Variants in PI4KA observed in about 807,000 individuals in gnomAD.
PI4KA encodes the protein phosphatidylinositol 4-kinase alpha.
A neutral mutation model predicts 271.4 loss-of-function variants in PI4KA; 122 were observed. That is an observed-to-expected ratio of 0.45 (90% CI 0.39 to 0.52). The LOEUF (loss-of-function observed/expected upper bound fraction) is 0.52, where lower values mean the gene tolerates loss of function less well. PI4KA is among the 20% of genes least tolerant of loss of function. PI4KA has a pLI of 0.00. For missense variants in PI4KA, 1,969 were observed against 2,769.1 expected (o/e 0.71, Z 6.48); for synonymous variants, 1,041 against 1,078.8 (o/e 0.96, Z 0.69).
chr22:20,735,833 C>T (rs3016140), intron 32 of PI4KA, among the ~76,000 whole-genome samples: 6,993 of 152,144 alleles, frequency 0.046, 496 homozygotes, highest in African/African-American at 0.16. Context: ...TCCTGCAGAC[C>T]GATTAGTCTT....
rs147046923 is a variant in PI4KA, at chr22:20,784,140, T to A, written c.2328+9053A>T. 1,252 of 1,614,126 alleles carry A rather than the reference T, an allele frequency of 7.8e-4. 1 individual carries two copies. The highest frequency in any genetic ancestry group is 1.1e-3 in the Admixed American group (69 of 60,020). ...CTCCAGCTGGAATACGTGGGGGGCA[T>A]CAGCATGCTAATTGTGGTCCCACAC... is the stretch of plus-strand genomic sequence containing the variant. On this transcript the variant is annotated intron_variant, in intron 19 of 54. Coordinates refer to ENST00000255882, the MANE Select transcript of PI4KA (RefSeq NM_058004.4).
intron 42 of PI4KA, chr22:20,725,798 A>G: frequency 3.4e-6 from 1 of 291,782 alleles, no homozygotes; most frequent in South Asian, 3.2e-5. Context: ...TGGGAGGGGT[A>G]GCGGGGAAGG....
intron 42 of PI4KA, chr22:20,725,580 C>T (rs1302983621): frequency 2.2e-6 from 1 of 449,068 alleles, no homozygotes; most frequent in African/African-American, 2.0e-5. Context: ...CCTGTAAGGA[C>T]TCAGGGAGAA....
chr22:20,811,141 C>T (rs2147649949), intron 8 of PI4KA, 109 bp from the exon 9 acceptor site: 1 of 799,010 alleles, frequency 1.3e-6, no homozygotes, highest in South Asian at 1.4e-5. Flanking sequence ...AAATGTGATG[C>T]AGATAAAGGC....
intron 3 of PI4KA, among the ~76,000 whole-genome samples, chr22:20,828,995 C>T (rs1474693163): frequency 1.3e-5 from 2 of 152,164 alleles, no homozygotes; most frequent in African/African-American, 4.8e-5. Flanking sequence ...TGTATCGATC[C>T]TGTATCCCAG....
At chr22:20,775,416 G>A (rs1933188176) in intron 19 of PI4KA, among the ~76,000 whole-genome samples, 1 of 152,116 alleles carries the variant, frequency 6.6e-6, no homozygotes, top group Non-Finnish European at 1.5e-5. Context: ...CTCTGGTAAG[G>A]GAATGACGAA....
intron 1 of PI4KA, among the ~76,000 whole-genome samples, chr22:20,848,097 G>T (rs1926495552): frequency 6.6e-6 from 1 of 152,028 alleles, no homozygotes; most frequent in Non-Finnish European, 1.5e-5. Flanking sequence ...AATTAGCCGG[G>T]CATGGTTGTG....
At chr22:20,770,033 A>T (rs1304056067) in intron 19 of PI4KA, among the ~76,000 whole-genome samples, 4 of 152,056 alleles carry the variant, frequency 2.6e-5, no homozygotes, top group African/African-American at 9.7e-5. Context: ...CAATTATTCC[A>T]ATTTCTCTGT....
chr22:20,799,816 GTTTT>G (rs1569047717), intron 14 of PI4KA, 50 bp from the exon 15 acceptor site: 2 of 1,193,118 alleles, frequency 1.7e-6, no homozygotes, highest in South Asian at 1.4e-5. Flanking sequence ...ACCAAGATAG[GTTTT>G]TTGTTTTTTA....
chr22:20,743,747 A>C (rs1929734026), intron 30 of PI4KA, among the ~76,000 whole-genome samples: 1 of 152,114 alleles, frequency 6.6e-6, no homozygotes, highest in Non-Finnish European at 1.5e-5. Flanking sequence ...CAGAGTCACC[A>C]GGGAGCTTAG....
At chr22:20,845,554 A>G (rs557803321) in intron 1 of PI4KA, among the ~76,000 whole-genome samples, 1 of 152,364 alleles carries the variant, frequency 6.6e-6, no homozygotes, top group Admixed American at 6.5e-5. Context: ...ATCCCCTCAG[A>G]CAAAAAATAT....
Position 20,721,324 on chromosome 22 carries a change from A to G in PI4KA, c.5090T>C (p.Leu1697Pro). 1 of 1,613,980 alleles carries G rather than the reference A, an allele frequency of 6.2e-7. No individual in the cohort carries two copies. The highest frequency in any genetic ancestry group is 8.5e-7 in the Non-Finnish European group (1 of 1,179,878). The change falls in exon 43 of 55, where the codon CTA (leucine) becomes CCA (proline). Residue 1697 changes from leucine to proline, a missense_variant. Leu to Pro is a moderately conservative substitution (Grantham distance 98). This residue lies in a region of PI4KA where 388 missense variants were observed against 521.5 expected (regional missense o/e 0.74). Transcript: ENST00000255882. ...FIWNMKTNIY[L>P]DEEGHQKDPD... ...GTCTTTCTGGTGGCCCTCTTCATCTAGATAAATGTTAGTCTTCATGTTCCA... is the reference window on the plus strand; with the variant it reads ...GTCTTTCTGGTGGCCCTCTTCATCTGGATAAATGTTAGTCTTCATGTTCCA...
intron 19 of PI4KA, among the ~76,000 whole-genome samples, chr22:20,776,753 T>C (rs1467376327): frequency 6.6e-6 from 1 of 152,052 alleles, no homozygotes; most frequent in East Asian, 1.9e-4. Flanking sequence ...TCTCCTGATA[T>C]ATAAAATGTT....
rs142049651 is a variant in PI4KA at position 20,792,327 on chromosome 22, G to A, written c.2328+866C>T. ...AACGACTTCAATGAGACCAGGAGAG[G>A]TGCCTCTCTGTGCCTGCAATGCCAC... is the stretch of plus-strand genomic sequence containing the variant. On this transcript the variant is annotated intron_variant, in intron 19 of 54. Transcript: ENST00000255882. Among the ~76,000 whole-genome samples the A allele has an allele frequency of 2.6e-3, 391 of 152,238 alleles. 3 individuals carry two copies. Among genetic ancestry groups the A allele is most frequent in the African/African-American group, 9.1e-3 (380 of 41,544 alleles).
chr22:20,737,790 C>A (rs562900148), intron 32 of PI4KA, among the ~76,000 whole-genome samples: 13 of 152,256 alleles, frequency 8.5e-5, no homozygotes, highest in Non-Finnish European at 7.4e-5. Context: ...TGCCACCACA[C>A]CTGGCTAATT....
intron 23 of PI4KA, among the ~76,000 whole-genome samples, chr22:20,759,115 T>A (rs1017735214): frequency 2.0e-5 from 3 of 152,146 alleles, no homozygotes; most frequent in African/African-American, 7.2e-5. Flanking sequence ...AGTGGTGCGA[T>A]CCTGGCTCAC....
intron 29 of PI4KA, among the ~76,000 whole-genome samples, chr22:20,746,784 G>A (rs765620193): frequency 6.6e-6 from 1 of 152,218 alleles, no homozygotes; most frequent in Non-Finnish European, 1.5e-5. Context: ...ACCTCGAGGA[G>A]AGTGCCCTGA....
chr22:20,747,989 G>C (rs1451900352), intron 28 of PI4KA, among the ~76,000 whole-genome samples: 1 of 152,214 alleles, frequency 6.6e-6, no homozygotes, highest in Non-Finnish European at 1.5e-5. Context: ...TCCCGCCTCA[G>C]CATCCCAAAA....
intron 39 of PI4KA, 109 bp downstream of exon 39, chr22:20,729,204 C>T: frequency 1.1e-6 from 1 of 908,562 alleles, no homozygotes; most frequent in Non-Finnish European, 1.6e-6. Context: ...CCTGACTATC[C>T]TTGAAAGGGG....
Sources: gnomAD v4.1 joint callset for allele counts (sites outside exome capture counted in the v4.1 genomes callset) on GRCh38, gnomAD v4.1.1 for gene constraint, gnomAD v4.1.1 regional missense constraint, MANE v1.5 for transcripts, NCBI Gene and HGNC (gene_info 2026-07-23, HGNC 2026-07-21) for gene names.